NDUFS3: variants seen among roughly 807,000 people sequenced by gnomAD.
The protein encoded by NDUFS3 is NADH dehydrogenase [ubiquinone] iron-sulfur protein 3, mitochondrial.
In NDUFS3, 19 loss-of-function variants were observed where a neutral mutation model predicts 30.8. The ratio of observed to expected loss-of-function variants is 0.62; its 90% confidence interval spans 0.43 to 0.91. The LOEUF (loss-of-function observed/expected upper bound fraction) is 0.91, where lower values mean the gene tolerates loss of function less well. NDUFS3 is among the 40% of genes least tolerant of loss of function. NDUFS3 has a pLI of 0.00. For missense variants in NDUFS3, 331 were observed against 342.0 expected (o/e 0.97, Z 0.25); for synonymous variants, 153 against 135.8 (o/e 1.13, Z -0.88).
intron 4 of NDUFS3, chr11:47,581,633 C>G: frequency 3.8e-6 from 1 of 263,176 alleles, no homozygotes; most frequent in Non-Finnish European, 7.4e-6. Flanking sequence ...TTGCCAGACT[C>G]TGGGATGGAG....
At chr11:47,582,299 CCT>C (rs748928602) in intron 5 of NDUFS3, 48 bp from the exon 6 acceptor site, 66 of 1,614,206 alleles carry the variant, frequency 4.1e-5, no homozygotes, top group Admixed American at 4.0e-4. Flanking sequence ...GCCCCTTCCC[CCT>C]GTTGTTAGTC....
chr11:47,584,525 A>AT lies in NDUFS3; in HGVS notation c.*46dup. The stretch of plus-strand genomic sequence containing the variant: ...GATCCTAGACAGCGCCTTATCTATG[A>AT]TTGAGTGTCCGTGTAAATAAATTCC... On this transcript the variant is annotated 3_prime_UTR_variant, in exon 7 of 7. Transcript: ENST00000263774. 1.2e-6 allele frequency: 2 copies of AT among 1,605,858 alleles called. No homozygotes were observed. Among genetic ancestry groups the AT allele is most frequent in the South Asian group, 2.2e-5 (2 of 90,872 alleles).
chr11:47,579,606 G>A (rs1200281947), intron 2 of NDUFS3: 6 of 588,926 alleles, frequency 1.0e-5, no homozygotes, highest in African/African-American at 1.9e-5. Context: ...TTAGGCCTCA[G>A]AGCCCTGTAA....
chr11:47,579,585 C>T, intron 2 of NDUFS3: 1 of 602,292 alleles, frequency 1.7e-6, no homozygotes, highest in South Asian at 2.0e-5. Context: ...TGAAAGCAAG[C>T]AATATAACCT....
At chr11:47,582,249 C>T in intron 5 of NDUFS3, 36 bp downstream of exon 5, 1 of 1,614,216 alleles carries the variant, frequency 6.2e-7, no homozygotes, top group Non-Finnish European at 8.5e-7. Context: ...GCCTCTGGGC[C>T]ACAGTTGCAG....
At chr11:47,580,224 A>G (rs2097267736) in intron 2 of NDUFS3, among the ~76,000 whole-genome samples, 1 of 152,244 alleles carries the variant, frequency 6.6e-6, no homozygotes, top group South Asian at 2.1e-4. Context: ...GAGAACTGAG[A>G]CTACTGCTTT....
chr11:47,583,503 C>T (rs1383889207), intron 6 of NDUFS3, among the ~76,000 whole-genome samples: 2 of 152,154 alleles, frequency 1.3e-5, no homozygotes, highest in Non-Finnish European at 2.9e-5. Flanking sequence ...GCTTAGCCCT[C>T]AAAAATTACC....
At chr11:47,581,304 C>T in intron 4 of NDUFS3, 1 of 352,666 alleles carries the variant, frequency 2.8e-6, no homozygotes, top group Non-Finnish European at 5.4e-6. Flanking sequence ...CAGGTGCATG[C>T]CACCACGCCC....
chr11:47,584,268 T>C, intron 6 of NDUFS3, 46 bp from the exon 7 acceptor site: 4 of 1,612,512 alleles, frequency 2.5e-6, no homozygotes, highest in South Asian at 1.1e-5. Flanking sequence ...TGTGTAGCTA[T>C]AATAAGGACT....
intron 6 of NDUFS3, among the ~76,000 whole-genome samples, chr11:47,582,982 G>A (rs1354831917): frequency 6.6e-6 from 1 of 152,136 alleles, no homozygotes; most frequent in Admixed American, 6.5e-5. Context: ...GGGCAACAGA[G>A]TGAGACCCTG....
chr11:47,583,961 G>A (rs144417027), intron 6 of NDUFS3, among the ~76,000 whole-genome samples: 2 of 152,330 alleles, frequency 1.3e-5, no homozygotes, highest in East Asian at 1.9e-4. Flanking sequence ...TTCAGCCACC[G>A]ACTACTCCCT....
chr11:47,584,387 A>C lies in NDUFS3; in HGVS notation c.701A>C (p.Asp234Ala), dbSNP rs770816297. ...TTGGCCCAAGAGTTCCGCAAATTTG[A>C]CCTGAACAGCCCCTGGGAGGCTTTC... ...VELAQEFRKFDLNSPWEAFPV... is the reference protein window; with the variant it reads ...VELAQEFRKFALNSPWEAFPV... The change falls in exon 7 of 7, where the codon GAC becomes GCC. Residue 234 changes from aspartate (D) to alanine (A), a missense_variant. Physicochemically the swap from Asp to Ala is moderately radical, Grantham distance 126. Transcript: ENST00000263774. The C allele has an allele frequency of 1.2e-6, 2 of 1,614,058 alleles. No individual in the cohort carries two copies. The highest frequency in any genetic ancestry group is 1.7e-6 in the Non-Finnish European group (2 of 1,180,010).
At position 47,580,956 on chromosome 11, in the gene NDUFS3, A is replaced by G. The variant is rs2153795334; in HGVS notation, c.353A>G (p.Asp118Gly). 3 of 1,614,204 alleles carry G rather than the reference A, an allele frequency of 1.9e-6. No individual in the cohort carries two copies. The highest frequency in any genetic ancestry group is 4.5e-5 in the East Asian group (2 of 44,890). The change falls in exon 4 of 7, where the codon GAC (aspartate) becomes GGC (glycine). Residue 118 changes from aspartate to glycine, a missense_variant. Coordinates refer to ENST00000263774, the MANE Select transcript of NDUFS3 (RefSeq NM_004551.3). ...FKSLVDLTAV[D>G]VPTRQNRFEI... ...TCTCTGGTTGACTTGACAGCAGTGG[A>G]CGTCCCAACTCGGCAAAACCGTTTT... is the stretch of plus-strand genomic sequence containing the variant.
intron 4 of NDUFS3, chr11:47,581,881 A>G (rs975085798): frequency 3.1e-6 from 2 of 650,822 alleles, no homozygotes; most frequent in East Asian, 2.9e-5. Flanking sequence ...GGACCAGGGA[A>G]ATATTCCTGA....
At chr11:47,582,302 G>A (rs890898959) in intron 5 of NDUFS3, 47 bp from the exon 6 acceptor site, 1 of 1,607,350 alleles carries the variant, frequency 6.2e-7, no homozygotes, top group Non-Finnish European at 8.5e-7. Context: ...CCTTCCCCCT[G>A]TTGTTAGTCT....
intron 2 of NDUFS3, 124 bp from the exon 3 acceptor site, chr11:47,580,401 C>T: frequency 3.3e-6 from 3 of 900,600 alleles, no homozygotes; most frequent in Non-Finnish European, 5.4e-6. Context: ...TTCACATGCA[C>T]CTTTCTCAAG....
Position 47,580,567 on chromosome 11 carries a change from C to T in NDUFS3, c.176C>T (p.Ser59Leu). 1 of 1,614,240 alleles carries T rather than the reference C, an allele frequency of 6.2e-7. No homozygotes were observed. Among genetic ancestry groups the T allele is most frequent in the Non-Finnish European group, 8.5e-7 (1 of 1,180,052 alleles). The change falls in exon 3 of 7, where the codon TCA (serine) becomes TTA (leucine). Residue 59 changes from serine to leucine, a missense_variant. By Grantham distance (145) the Ser-to-Leu change is moderately radical. Coordinates refer to ENST00000263774, the MANE Select transcript of NDUFS3 (RefSeq NM_004551.3). ...AATGATGTGGCCCACAAGCAGCTCTCAGCTTTTGGAGAGTATGTGGCTGAA... is the reference window on the plus strand; with the variant it reads ...AATGATGTGGCCCACAAGCAGCTCTTAGCTTTTGGAGAGTATGTGGCTGAA... ...PRNDVAHKQL[S>L]AFGEYVAEIL... is the part of the protein sequence containing the mutation.
At position 47,582,333 on chromosome 11, in the gene NDUFS3, G is replaced by T; in HGVS notation, c.508-16G>T. 2 of 1,614,228 alleles carry T rather than the reference G, an allele frequency of 1.2e-6. No individual in the cohort carries two copies. The highest frequency in any genetic ancestry group is 8.5e-7 in the Non-Finnish European group (1 of 1,180,042). ...AGTCTTGATGGATTGGCTGTTTGAG[G>T]TGGTCTCTTTCCTAGATCTGGGACA... On this transcript the variant is annotated splice_polypyrimidine_tract_variant and intron_variant, in intron 5 of 6. Transcript: ENST00000263774.
intron 6 of NDUFS3, among the ~76,000 whole-genome samples, chr11:47,583,941 G>A (rs2097269927): frequency 6.6e-6 from 1 of 152,156 alleles, no homozygotes; most frequent in Admixed American, 6.6e-5. Flanking sequence ...GCCAGTTTAG[G>A]TTTACTCTTT....
Sources: gnomAD v4.1 joint callset for allele counts (sites outside exome capture counted in the v4.1 genomes callset) on GRCh38, gnomAD v4.1.1 for gene constraint, MANE v1.5 for transcripts, NCBI Gene and HGNC (gene_info 2026-07-23, HGNC 2026-07-21) for gene names.